The following VCPIP1 variants were observed in gnomAD, a reference collection of about 807,000 sequenced individuals.
The protein encoded by VCPIP1 is valosin containing protein interacting protein 1.
VCPIP1 carries 8 observed loss-of-function variants against 85.0 expected under a neutral mutation model. The ratio of observed to expected loss-of-function variants is 0.09; its 90% CI spans 0.06 to 0.17. The LOEUF is 0.17. Ranked by LOEUF, VCPIP1 falls within the 10% of genes least tolerant of loss-of-function variation. The pLI, the probability that VCPIP1 is intolerant of heterozygous loss-of-function variation, is 1.00. For missense variants in VCPIP1, 1,070 were observed against 1,486.3 expected, an observed-to-expected ratio of 0.72 and a Z score of 4.61; for synonymous variants, 543 against 544.5, an observed-to-expected ratio of 1.00 and a Z score of 0.04.
chr8:66,647,298 G>A (rs548877173), intron 2 of VCPIP1, among the ~76,000 whole-genome samples: 9 of 150,216 alleles, frequency 6.0e-5, no homozygotes, highest in South Asian at 4.2e-4. Flanking sequence ...CCAAGACTGC[G>A]ACACTGCACT....
intron 1 of VCPIP1, among the ~76,000 whole-genome samples, chr8:66,655,287 T>C (rs1042428382): frequency 2.0e-5 from 3 of 152,256 alleles, no homozygotes; most frequent in Non-Finnish European, 2.9e-5. Flanking sequence ...ATTGGTTGAA[T>C]GAATGTATAG....
rs1004181123 is a variant in VCPIP1, at chr8:66,629,939, G to A, written c.*4562C>T. ...AGGGGAAAAATCACTATTCCTGTAC[G>A]ATAACCCGCTTAAGTTCAACAAGAA... On this transcript the variant is annotated 3_prime_UTR_variant, in exon 3 of 3. Coordinates refer to ENST00000310421, the MANE Select transcript of VCPIP1 (RefSeq NM_025054.5). 14 of 152,012 alleles carry A rather than the reference G, an allele frequency of 9.2e-5. No individual in the cohort carries two copies. Among genetic ancestry groups the A allele is most frequent in the Non-Finnish European group, 1.9e-4 (13 of 68,016 alleles). 9.4% of individuals were successfully genotyped at this position (152,012 alleles called of 1,614,324 possible).
At chr8:66,638,509 G>T (rs1442529236) in intron 2 of VCPIP1, among the ~76,000 whole-genome samples, 1 of 150,682 alleles carries the variant, frequency 6.6e-6, no homozygotes. Flanking sequence ...GCCAGGCGCG[G>T]TGGCTCACGC....
intron 2 of VCPIP1, among the ~76,000 whole-genome samples, chr8:66,649,736 G>C (rs1811033981): frequency 6.6e-6 from 1 of 152,168 alleles, no homozygotes. Flanking sequence ...TTTTTGGAGT[G>C]ATGAAAGTAT....
At chr8:66,658,324 G>C (rs1402233950) in intron 1 of VCPIP1, among the ~76,000 whole-genome samples, 1 of 145,248 alleles carries the variant, frequency 6.9e-6, no homozygotes, top group Non-Finnish European at 1.5e-5. Flanking sequence ...ACAGAGCAAG[G>C]CTCCATCTTG....
At chr8:66,652,010 CAAAAAAAAA>C (rs113576250) in intron 1 of VCPIP1, among the ~76,000 whole-genome samples, 1 of 73,552 alleles carries the variant, frequency 1.4e-5, no homozygotes, top group South Asian at 3.9e-4. Flanking sequence ...TCTATCTCTA[CAAAAAAAAA>C]AAAAAAAAAT....
rs1223593259 is a variant in VCPIP1, at chr8:66,664,636, TCTC to T, written c.2320_2322del (p.Glu774del). 4 of 1,613,760 alleles carry T rather than the reference TCTC, an allele frequency of 2.5e-6. No homozygotes were observed. The African/African-American group carries it at 4.0e-5, about 16-fold the overall frequency. ...TCATTAGTTGTGATTCGGATCTTCT[TCTC>T]CTTAGAAGTTGTCGGTGAATAGGGA... On this transcript the variant is annotated inframe_deletion, in exon 1 of 3. Coordinates refer to ENST00000310421, the MANE Select transcript of VCPIP1 (RefSeq NM_025054.5).
chr8:66,667,047 C>G lies in VCPIP1; in HGVS notation c.-89G>C, dbSNP rs906952193. Reference sequence around the variant, plus strand: ...CCCCACCAACCCGACTCGGTCCAGTCCAGGCCCAGGGCGAAGCACTTTCCT... The same window carrying G: ...CCCCACCAACCCGACTCGGTCCAGTGCAGGCCCAGGGCGAAGCACTTTCCT... On this transcript the variant is annotated 5_prime_UTR_variant, in exon 1 of 3. Transcript: ENST00000310421. 2.0e-5 allele frequency: 28 copies of G among 1,430,348 alleles called. No homozygotes were observed. The highest frequency in any genetic ancestry group is 2.6e-5 in the Non-Finnish European group (28 of 1,095,748). 88.6% of individuals were successfully genotyped at this position (1,430,348 alleles called of 1,614,324 possible).
At chr8:66,636,518 G>A (rs1173064627) in intron 2 of VCPIP1, among the ~76,000 whole-genome samples, 1 of 151,950 alleles carries the variant, frequency 6.6e-6, no homozygotes, top group Non-Finnish European at 1.5e-5. Context: ...GCCAAGGTGG[G>A]CAGATCATGA....
intron 2 of VCPIP1, among the ~76,000 whole-genome samples, chr8:66,645,901 A>G (rs911415911): frequency 2.0e-5 from 3 of 152,136 alleles, no homozygotes; most frequent in African/African-American, 7.2e-5. Flanking sequence ...CTGCACTCCA[A>G]CCCGGGTAAC....
rs371313083 is a variant in VCPIP1, at chr8:66,661,117, CTAATA to C, written c.2710+3127_2710+3131del. Reference sequence around the variant, plus strand: ...GAAGAAAACTAAGATTTATAAGGGACTAATATAATACAGGCTATGCACTTAATACT... The same window carrying C: ...GAAGAAAACTAAGATTTATAAGGGACTAATACAGGCTATGCACTTAATACT... On this transcript the variant is annotated intron_variant, in intron 1 of 2. Coordinates refer to ENST00000310421, the MANE Select transcript of VCPIP1 (RefSeq NM_025054.5). Among the ~76,000 whole-genome samples, 54 of 152,236 alleles carry C rather than the reference CTAATA, an allele frequency of 3.5e-4. No individual in the cohort carries two copies. In the East Asian group the frequency reaches 4.2e-3, roughly 12 times the overall value.
At chr8:66,648,453 A>T (rs1811017169) in intron 2 of VCPIP1, among the ~76,000 whole-genome samples, 2 of 152,110 alleles carry the variant, frequency 1.3e-5, no homozygotes, top group Admixed American at 1.3e-4. Context: ...TATCTAATCT[A>T]TCATCCATCC....
intron 2 of VCPIP1, among the ~76,000 whole-genome samples, chr8:66,638,645 G>A (rs555533538): frequency 5.3e-5 from 8 of 152,184 alleles, no homozygotes; most frequent in Middle Eastern, 3.4e-3. Flanking sequence ...CAGGCGTGGT[G>A]GCGGGCGCCT....
chr8:66,633,411 T>A lies in VCPIP1; in HGVS notation c.*1090A>T, dbSNP rs577175644. On this transcript the variant is annotated 3_prime_UTR_variant, in exon 3 of 3. Coordinates refer to ENST00000310421, the MANE Select transcript of VCPIP1 (RefSeq NM_025054.5). Reference sequence around the variant, plus strand: ...AGGATAAACACTCTTCTGTTGTTTTTAAGGAATAAGCATGAAAGCTGCTTC... The same window carrying A: ...AGGATAAACACTCTTCTGTTGTTTTAAAGGAATAAGCATGAAAGCTGCTTC... 10 of 152,630 alleles carry A rather than the reference T, an allele frequency of 6.6e-5. No individual in the cohort carries two copies. Among genetic ancestry groups the A allele is most frequent in the Non-Finnish European group, 1.3e-4 (9 of 67,940 alleles). 9.5% of individuals were successfully genotyped at this position (152,630 alleles called of 1,614,324 possible).
At chr8:66,657,995 A>G (rs1430707625) in intron 1 of VCPIP1, among the ~76,000 whole-genome samples, 2 of 152,218 alleles carry the variant, frequency 1.3e-5, no homozygotes, top group African/African-American at 4.8e-5. Flanking sequence ...CATTACAAGT[A>G]TGCTACATAT....
rs1161301724 is a variant in VCPIP1 at position 66,630,570 on chromosome 8, T to C, written c.*3931A>G. 1.3e-5 allele frequency: 2 copies of C among 152,558 alleles called. No homozygotes were observed. Among genetic ancestry groups the C allele is most frequent in the Non-Finnish European group, 2.9e-5 (2 of 68,012 alleles). 9.5% of individuals were successfully genotyped at this position (152,558 alleles called of 1,614,324 possible). A position where few individuals can be genotyped will look rare whatever the true frequency, so the allele number is the denominator to read the frequency against. On this transcript the variant is annotated 3_prime_UTR_variant, in exon 3 of 3. Coordinates refer to ENST00000310421, the MANE Select transcript of VCPIP1 (RefSeq NM_025054.5). ...ATACTCACAAGCAGGTAACATCAAC[T>C]AAAACTTTTTTCTTTACTAATTTTT...
chr8:66,657,234 C>T (rs922971687), intron 1 of VCPIP1, among the ~76,000 whole-genome samples: 3 of 152,066 alleles, frequency 2.0e-5, no homozygotes, highest in African/African-American at 4.8e-5. Flanking sequence ...CCAAAAGAAA[C>T]ACCCAAAACG....
intron 1 of VCPIP1, among the ~76,000 whole-genome samples, chr8:66,662,773 CG>C (rs1403994197): frequency 6.6e-6 from 1 of 151,572 alleles, no homozygotes; most frequent in East Asian, 2.0e-4. Flanking sequence ...CCTCCAACTC[CG>C]GGGTTGAAGC....
Position 66,665,375 on chromosome 8 carries a change from T to C in VCPIP1, c.1584A>G (p.Pro528=), listed in dbSNP as rs1328121191. Residue 528 remains proline (P), a synonymous_variant, in exon 1 of 3, where the codon CCA becomes CCG. Coordinates refer to ENST00000310421, the MANE Select transcript of VCPIP1 (RefSeq NM_025054.5). The surrounding 1 kb of genome is among the most constrained non-coding windows in gnomAD (Gnocchi z 4.3). ...CTGTTAGGTTACTCATTCCATAGTC[T>C]GGTACCAGAACATCTTTCACTGAAT... is the stretch of plus-strand genomic sequence containing the variant. ...SYDSVKDVLV[P]DYGMSNLTAC... 4.3e-6 allele frequency: 7 copies of C among 1,614,122 alleles called. No homozygotes were observed. In the African/African-American group the frequency reaches 5.3e-5, roughly 12 times the overall value.
Sources: allele counts gnomAD v4.1 joint callset (sites outside exome capture counted in the v4.1 genomes callset), GRCh38; gene constraint gnomAD v4.1.1; non-coding constraint Gnocchi (gnomAD v3.1); transcripts MANE v1.5; gene names NCBI Gene and HGNC (gene_info 2026-07-23, HGNC 2026-07-21).